Variants in MIPOL1 observed in about 807,000 individuals in gnomAD.
MIPOL1 encodes mirror-image polydactyly gene 1 protein.
In MIPOL1, 57 loss-of-function variants were observed where a neutral mutation model predicts 60.9. The ratio of observed to expected loss-of-function variants is 0.94; its 90% CI spans 0.76 to 1.17. The LOEUF is 1.17. Among genes scored for constraint, MIPOL1 ranks in the 50% most tolerant of loss-of-function variants. MIPOL1 has a pLI of 0.00. For missense variants in MIPOL1, 551 were observed against 511.6 expected, an observed-to-expected ratio of 1.08 and a Z score of -0.74; for synonymous variants, 179 against 168.8, an observed-to-expected ratio of 1.06 and a Z score of -0.47.
At chr14:37,251,235 A>T (rs1974040214) in intron 3 of MIPOL1, among the ~76,000 whole-genome samples, 1 of 151,768 alleles carries the variant, frequency 6.6e-6, no homozygotes. Context: ...TAATTTTTTT[A>T]AAAATGGTTT....
chr14:37,283,222 C>A (rs1057403664), intron 6 of MIPOL1, among the ~76,000 whole-genome samples: 1 of 152,208 alleles, frequency 6.6e-6, no homozygotes, highest in Admixed American at 6.5e-5. Context: ...CCCGCCACCA[C>A]ATCCAGCTAA....
At chr14:37,221,741 A>G (rs1204930896) in intron 1 of MIPOL1, among the ~76,000 whole-genome samples, 2 of 152,194 alleles carry the variant, frequency 1.3e-5, no homozygotes, top group African/African-American at 2.4e-5. Context: ...TACCTTCCAC[A>G]AGGACCCTCC....
intron 11 of MIPOL1, among the ~76,000 whole-genome samples, chr14:37,494,393 AAGAAAG>A (rs1471355918): frequency 6.6e-6 from 1 of 152,224 alleles, no homozygotes; most frequent in East Asian, 1.9e-4. Context: ...AGGTGTATCT[AAGAAAG>A]TGATATTTTT....
At chr14:37,494,624 G>T (rs1364726715) in intron 11 of MIPOL1, among the ~76,000 whole-genome samples, 1 of 152,098 alleles carries the variant, frequency 6.6e-6, no homozygotes, top group Admixed American at 6.5e-5. Flanking sequence ...AAAGACTGTA[G>T]GTTCAAATTC....
At chr14:37,542,091 A>G (rs1210396149) in intron 12 of MIPOL1, among the ~76,000 whole-genome samples, 1 of 152,084 alleles carries the variant, frequency 6.6e-6, no homozygotes, top group African/African-American at 2.4e-5. Context: ...CACTTTTATC[A>G]TACCATTACA....
At chr14:37,443,823 C>T (rs955824352) in intron 11 of MIPOL1, among the ~76,000 whole-genome samples, 4 of 150,544 alleles carry the variant, frequency 2.7e-5, no homozygotes, top group African/African-American at 9.8e-5. Context: ...TACTGCAGCG[C>T]AAAGGGTGGC....
intron 9 of MIPOL1, among the ~76,000 whole-genome samples, chr14:37,328,982 C>A (rs1179353795): frequency 6.6e-6 from 1 of 151,658 alleles, no homozygotes; most frequent in East Asian, 1.9e-4. Flanking sequence ...TTCCAAAGGC[C>A]AGAGATGATG....
chr14:37,521,908 A>ATTTTT (rs199544079), intron 12 of MIPOL1, among the ~76,000 whole-genome samples: 1 of 20,660 alleles, frequency 4.8e-5, no homozygotes, highest in East Asian at 2.9e-3. Flanking sequence ...ATATATATAT[A>ATTTTT]TATTTTTTTT....
Position 37,338,168 on chromosome 14 carries a change from G to A in MIPOL1, c.828+29649G>A, listed in dbSNP as rs546509641. On this transcript the variant is annotated intron_variant, in intron 9 of 12. Coordinates refer to ENST00000684589, the MANE Select transcript of MIPOL1 (RefSeq NM_001388067.1). ...GTCGCCCAGGCTGGAGTGCAGTGGC[G>A]TGATCTTGGCTCACTGCAAGCTCCA... 2.1e-4 allele frequency among the ~76,000 whole-genome samples: 31 copies of A among 148,340 alleles called. No homozygotes were observed. In the South Asian group the frequency reaches 6.4e-3, roughly 31 times the overall value.
chr14:37,449,948 G>C (rs1384703805), intron 11 of MIPOL1, among the ~76,000 whole-genome samples: 2 of 152,080 alleles, frequency 1.3e-5, no homozygotes, highest in African/African-American at 4.8e-5. Flanking sequence ...GAGTAGCTGA[G>C]ACTACAGGTG....
chr14:37,424,765 C>T (rs1180618590), intron 11 of MIPOL1, among the ~76,000 whole-genome samples: 5 of 152,076 alleles, frequency 3.3e-5, no homozygotes, highest in African/African-American at 1.2e-4. Flanking sequence ...ATACATCCTA[C>T]CAACCTACTT....
chr14:37,354,950 A>T (rs1489371768), intron 9 of MIPOL1, among the ~76,000 whole-genome samples: 1 of 51,310 alleles, frequency 1.9e-5, no homozygotes, highest in Non-Finnish European at 3.9e-5. Context: ...TCCTGTCATT[A>T]TGATGTTAGC....
intron 12 of MIPOL1, among the ~76,000 whole-genome samples, chr14:37,518,016 G>A (rs1305878300): frequency 6.6e-6 from 1 of 152,072 alleles, no homozygotes; most frequent in African/African-American, 2.4e-5. Context: ...ACTATAAATA[G>A]AAATAAACAT....
intron 10 of MIPOL1, among the ~76,000 whole-genome samples, chr14:37,378,968 A>G (rs2092850931): frequency 6.6e-6 from 1 of 152,256 alleles, no homozygotes; most frequent in East Asian, 1.9e-4. Flanking sequence ...TATATCATTC[A>G]TTAAGCTAGT....
At chr14:37,282,237 A>ATT (rs1398426898) in intron 6 of MIPOL1, among the ~76,000 whole-genome samples, 3 of 45,350 alleles carry the variant, frequency 6.6e-5, no homozygotes, top group East Asian at 5.6e-4. Context: ...ATATTGCAGT[A>ATT]ATATTATTAT....
chr14:37,349,045 A>G (rs1485208888), intron 9 of MIPOL1, among the ~76,000 whole-genome samples: 2 of 137,150 alleles, frequency 1.5e-5, no homozygotes, highest in African/African-American at 2.8e-5. Flanking sequence ...CTGGAGTGCA[A>G]TGGCAGAATC....
chr14:37,339,838 G>T (rs1383306536), intron 9 of MIPOL1, among the ~76,000 whole-genome samples: 1 of 152,134 alleles, frequency 6.6e-6, no homozygotes, highest in Non-Finnish European at 1.5e-5. Context: ...GGAGATTGGT[G>T]CAGACTGGCT....
At chr14:37,385,598 C>A in intron 10 of MIPOL1, 1 of 151,976 alleles carries the variant, frequency 6.6e-6, no homozygotes, top group East Asian at 1.9e-4. Context: ...CTTTTATTTT[C>A]TGTTGCAAGC....
intron 10 of MIPOL1, among the ~76,000 whole-genome samples, chr14:37,397,364 T>C (rs1454157130): frequency 7.2e-6 from 1 of 138,294 alleles, no homozygotes. Flanking sequence ...CAGCACCTGT[T>C]CCAGTGGAGG....
Sources: gnomAD v4.1 joint callset for allele counts (sites outside exome capture counted in the v4.1 genomes callset) on GRCh38, gnomAD v4.1.1 for gene constraint, MANE v1.5 for transcripts, NCBI Gene and HGNC (gene_info 2026-07-23, HGNC 2026-07-21) for gene names.